The following NEGR1 variants were observed in gnomAD, a reference collection of about 807,000 sequenced individuals.
The protein encoded by NEGR1 is IgLON family member 4.
NEGR1 carries 10 observed loss-of-function variants against 40.9 expected under a neutral mutation model. The observed-to-expected ratio is 0.24, with a 90% CI of 0.15 to 0.42. NEGR1 has a LOEUF of 0.42. Ranked by LOEUF, NEGR1 falls within the 10% of genes least tolerant of loss-of-function variation. The pLI, the probability that NEGR1 is intolerant of heterozygous loss-of-function variation, is 1.00. For synonymous variants in NEGR1, 185 were observed against 166.8 expected (o/e 1.11, Z -0.84); for missense variants, 352 against 438.9 (o/e 0.80, Z 1.77).
intron 1 of NEGR1, among the ~76,000 whole-genome samples, chr1:72,083,288 C>T (rs1335802164): frequency 5.3e-5 from 8 of 151,902 alleles, no homozygotes; most frequent in African/African-American, 9.7e-5. Context: ...CTCCCTCCCT[C>T]GCTCATTCTC....
At chr1:71,574,552 G>T (rs1475383914) in intron 6 of NEGR1, among the ~76,000 whole-genome samples, 2 of 152,022 alleles carry the variant, frequency 1.3e-5, no homozygotes, top group African/African-American at 2.4e-5. Flanking sequence ...ATTTCTTCCA[G>T]AAATTATTGA....
chr1:72,012,295 C>CT, intron 1 of NEGR1, among the ~76,000 whole-genome samples: 1 of 152,108 alleles, frequency 6.6e-6, no homozygotes, highest in South Asian at 2.1e-4. Context: ...TCCCCCATGG[C>CT]TAACTAAAGG....
At chr1:71,938,458 A>C (rs1645930423) in intron 1 of NEGR1, among the ~76,000 whole-genome samples, 1 of 149,992 alleles carries the variant, frequency 6.7e-6, no homozygotes, top group Non-Finnish European at 1.5e-5. Context: ...CTTGAGAATA[A>C]GAACTATGTC....
At chr1:71,898,656 GC>G (rs1661039435) in intron 2 of NEGR1, among the ~76,000 whole-genome samples, 2 of 133,382 alleles carry the variant, frequency 1.5e-5, no homozygotes, top group Admixed American at 1.5e-4. Context: ...CAAAAAAACT[GC>G]TTTGTTTTTT....
At chr1:71,771,002 G>A (rs944136472) in intron 3 of NEGR1, among the ~76,000 whole-genome samples, 14 of 152,216 alleles carry the variant, frequency 9.2e-5, no homozygotes, top group Non-Finnish European at 1.6e-4. Flanking sequence ...ACATGCACAC[G>A]TATGTTTATT....
intron 1 of NEGR1, among the ~76,000 whole-genome samples, chr1:72,149,718 A>C (rs749301413): frequency 6.6e-6 from 1 of 151,806 alleles, no homozygotes; most frequent in African/African-American, 2.4e-5. Context: ...CCCCACCACT[A>C]CTAAAAATAC....
intron 1 of NEGR1, among the ~76,000 whole-genome samples, chr1:72,154,365 C>G (rs1049981767): frequency 6.6e-6 from 1 of 151,874 alleles, no homozygotes; most frequent in Non-Finnish European, 1.5e-5. Context: ...CCATGAATGG[C>G]TAATTGTTGT....
At chr1:71,599,636 T>A (rs1231434548) in intron 5 of NEGR1, among the ~76,000 whole-genome samples, 2 of 152,242 alleles carry the variant, frequency 1.3e-5, no homozygotes, top group Non-Finnish European at 2.9e-5. Flanking sequence ...CCAAGGGGTA[T>A]CTATCTTTAG....
intron 1 of NEGR1, among the ~76,000 whole-genome samples, chr1:72,193,979 G>A (rs1380549277): frequency 6.6e-6 from 1 of 151,498 alleles, no homozygotes; most frequent in Non-Finnish European, 1.5e-5. Context: ...TTGATCTAAG[G>A]TATCAGATCA....
In NEGR1 at chr1:72,017,415, C is replaced by A. The variant is rs74851137; in HGVS notation, c.177-82104G>T. On this transcript the variant is annotated intron_variant, in intron 1 of 6. Transcript: ENST00000357731. ...TATTATAAAGTAAACTTCTTAAGAGCAAAGAACAAGTATTCTAACCTTAGA... is the reference window on the plus strand; with the variant it reads ...TATTATAAAGTAAACTTCTTAAGAGAAAAGAACAAGTATTCTAACCTTAGA... Among the ~76,000 whole-genome samples the A allele has an allele frequency of 6.7e-3, 1,016 of 152,102 alleles. 49 individuals are homozygous for A. In the East Asian group the frequency reaches 0.1, roughly 15 times the overall value.
At chr1:71,950,825 TC>T (rs904098455) in intron 1 of NEGR1, among the ~76,000 whole-genome samples, 3 of 152,002 alleles carry the variant, frequency 2.0e-5, no homozygotes, top group Non-Finnish European at 4.4e-5. Flanking sequence ...GGTCCTTAAT[TC>T]CTGACTCGCT....
intron 6 of NEGR1, among the ~76,000 whole-genome samples, chr1:71,486,221 A>G (rs953218493): frequency 6.6e-6 from 1 of 151,584 alleles, no homozygotes; most frequent in African/African-American, 2.4e-5. Context: ...ATCTTTTCAC[A>G]TGATTATTTG....
chr1:71,885,509 T>G (rs1660700364), intron 2 of NEGR1, among the ~76,000 whole-genome samples: 2 of 152,158 alleles, frequency 1.3e-5, no homozygotes, highest in Non-Finnish European at 2.9e-5. Flanking sequence ...AGCTGTTTTT[T>G]AAACTTCTGT....
chr1:72,092,522 T>G (rs552874962), intron 1 of NEGR1, among the ~76,000 whole-genome samples: 1 of 152,300 alleles, frequency 6.6e-6, no homozygotes, highest in African/African-American at 2.4e-5. Flanking sequence ...TAGCAAAGTT[T>G]TACTTAACAT....
intron 1 of NEGR1, among the ~76,000 whole-genome samples, chr1:72,106,148 C>T (rs1411972264): frequency 6.6e-6 from 1 of 151,998 alleles, no homozygotes; most frequent in Non-Finnish European, 1.5e-5. Context: ...AGTTAAAGAA[C>T]ATTTAAGAAT....
chr1:71,654,622 T>C (rs778837407), intron 4 of NEGR1, among the ~76,000 whole-genome samples: 2 of 152,102 alleles, frequency 1.3e-5, no homozygotes, highest in Admixed American at 6.5e-5. Flanking sequence ...AACATATTCA[T>C]TGGGGTGTGG....
intron 1 of NEGR1, among the ~76,000 whole-genome samples, chr1:72,034,393 T>A (rs1646884727): frequency 6.6e-6 from 1 of 152,176 alleles, no homozygotes. Flanking sequence ...GGGAAGAATG[T>A]TGAGTATTTA....
At chr1:71,920,604 A>G (rs1645708311) in intron 2 of NEGR1, among the ~76,000 whole-genome samples, 2 of 152,198 alleles carry the variant, frequency 1.3e-5, no homozygotes, top group Admixed American at 1.3e-4. Flanking sequence ...CTTGAAAAGA[A>G]GGACTAATTT....
At chr1:72,254,996 T>G (rs1655219615) in intron 1 of NEGR1, among the ~76,000 whole-genome samples, 1 of 152,324 alleles carries the variant, frequency 6.6e-6, no homozygotes, top group African/African-American at 2.4e-5. Flanking sequence ...ATATATTTGT[T>G]CTTTATGTGT....
Sources: allele counts gnomAD v4.1 joint callset (sites outside exome capture counted in the v4.1 genomes callset), GRCh38; gene constraint gnomAD v4.1.1; transcripts MANE v1.5; gene names NCBI Gene and HGNC (gene_info 2026-07-23, HGNC 2026-07-21).